KCNG2: variants seen among roughly 807,000 people sequenced by gnomAD.
The protein encoded by KCNG2 is voltage-gated potassium channel regulatory subunit KCNG2.
KCNG2 carries 7 observed loss-of-function variants against 12.3 expected under a neutral mutation model. The observed-to-expected ratio is 0.57, with a 90% CI of 0.32 to 1.07. The LOEUF is 1.07. Among genes scored for constraint, KCNG2 ranks in the 50% least tolerant of loss-of-function variants. The probability of loss-of-function intolerance (pLI) is 0.04; values close to 1 mark genes in which losing one functional copy is unlikely to be tolerated. For synonymous variants in KCNG2, 414 were observed against 351.4 expected (o/e 1.18, Z -1.99); for missense variants, 703 against 726.0 (o/e 0.97, Z 0.36).
Position 79,894,093 on chromosome 18 carries a change from C to T in KCNG2, c.625-4947C>T, listed in dbSNP as rs1230156229. Among the ~76,000 whole-genome samples, 14 of 150,998 alleles carry T rather than the reference C, an allele frequency of 9.3e-5. No homozygotes were observed. The South Asian group carries it at 1.7e-3, about 18-fold the overall frequency. ...TGTCTGCTTTTGATTGGGTTGTTCA[C>T]GCCATTCATAATGATTGATATAGCT... On this transcript the variant is annotated intron_variant, in intron 3 of 3. Coordinates refer to ENST00000316249, the MANE Select transcript of KCNG2 (RefSeq NM_012283.2).
intron 1 of KCNG2, among the ~76,000 whole-genome samples, chr18:79,815,009 T>C (rs1019400301): frequency 1.3e-5 from 2 of 152,058 alleles, no homozygotes; most frequent in African/African-American, 4.8e-5. Flanking sequence ...AGAAAATGAA[T>C]TTAATATGCA....
chr18:79,872,954 C>T (rs1350215916), intron 3 of KCNG2, among the ~76,000 whole-genome samples: 1 of 152,194 alleles, frequency 6.6e-6, no homozygotes, highest in Non-Finnish European at 1.5e-5. Context: ...GGGACCGCCC[C>T]TCCGGGAGCC....
rs569740902 is a variant in KCNG2, at chr18:79,893,993, G to A, written c.625-5047G>A. 3.3e-5 allele frequency among the ~76,000 whole-genome samples: 5 copies of A among 151,700 alleles called. No homozygotes were observed. The South Asian group carries it at 1.0e-3, about 32-fold the overall frequency. The stretch of plus-strand genomic sequence containing the variant: ...TCTAATGTTAACGATTAATATAGTT[G>A]GGTCTGTGTCTGCTTTTGATTGGTT... On this transcript the variant is annotated intron_variant, in intron 3 of 3. Coordinates refer to ENST00000316249, the MANE Select transcript of KCNG2 (RefSeq NM_012283.2).
chr18:79,830,241 T>C (rs531959476), intron 1 of KCNG2, among the ~76,000 whole-genome samples: 5 of 152,090 alleles, frequency 3.3e-5, no homozygotes, highest in Admixed American at 6.5e-5. Context: ...TCAACACACC[T>C]CCCCTGAAAG....
chr18:79,827,976 T>G (rs1599375270), intron 1 of KCNG2, among the ~76,000 whole-genome samples: 1 of 149,070 alleles, frequency 6.7e-6, no homozygotes, highest in African/African-American at 2.5e-5. Context: ...CAGGCTGGAG[T>G]GCAGTGGCGT....
intron 1 of KCNG2, among the ~76,000 whole-genome samples, chr18:79,847,413 G>A (rs1316318855): frequency 5.9e-5 from 9 of 152,202 alleles, no homozygotes; most frequent in Admixed American, 2.0e-4. Context: ...GTGCCCCGTG[G>A]GAACTGAGGG....
chr18:79,801,008 T>C (rs1385759294), intron 1 of KCNG2, among the ~76,000 whole-genome samples: 2 of 152,200 alleles, frequency 1.3e-5, no homozygotes, highest in African/African-American at 2.4e-5. Context: ...GTTGAGGCAC[T>C]GTGAACTATC....
chr18:79,820,529 AATG>A (rs2087562875), intron 1 of KCNG2, among the ~76,000 whole-genome samples: 1 of 152,080 alleles, frequency 6.6e-6, no homozygotes. Context: ...GCATTTTCCT[AATG>A]ATGAGTGATG....
At chr18:79,812,822 C>G (rs1440240841) in intron 1 of KCNG2, among the ~76,000 whole-genome samples, 1 of 150,910 alleles carries the variant, frequency 6.6e-6, no homozygotes, top group East Asian at 2.0e-4. Context: ...GATCGCACCA[C>G]TGTAGTCCAG....
intron 1 of KCNG2, among the ~76,000 whole-genome samples, chr18:79,837,236 A>G (rs572347049): frequency 2.0e-5 from 3 of 152,330 alleles, no homozygotes; most frequent in South Asian, 2.1e-4. Context: ...CTTTGACTCC[A>G]TGTCTCACAT....
chr18:79,840,458 TAATC>T (rs1277825643), intron 1 of KCNG2, among the ~76,000 whole-genome samples: 2 of 152,088 alleles, frequency 1.3e-5, no homozygotes, highest in African/African-American at 4.8e-5. Flanking sequence ...ATAAAAGAAA[TAATC>T]TAAATAAATG....
intron 2 of KCNG2, among the ~76,000 whole-genome samples, chr18:79,861,730 CT>C: frequency 6.6e-6 from 1 of 152,208 alleles, no homozygotes; most frequent in East Asian, 1.9e-4. Context: ...TCTTTCTTCC[CT>C]GTTCCCTCTT....
chr18:79,868,057 C>T (rs1979680587), intron 3 of KCNG2, among the ~76,000 whole-genome samples: 1 of 152,224 alleles, frequency 6.6e-6, no homozygotes, highest in Non-Finnish European at 1.5e-5. Flanking sequence ...GATCGTGCTT[C>T]CAAAAGGTGC....
intron 2 of KCNG2, among the ~76,000 whole-genome samples, chr18:79,861,681 C>T (rs538789523): frequency 4.3e-4 from 65 of 152,114 alleles, no homozygotes; most frequent in African/African-American, 1.4e-3. Context: ...TGTTTTTCAT[C>T]GAATTTGGAG....
chr18:79,881,990 A>G (rs1345189330), intron 3 of KCNG2, among the ~76,000 whole-genome samples: 1 of 151,416 alleles, frequency 6.6e-6, no homozygotes. Context: ...GGCTACAACA[A>G]CTGAACTCCC....
chr18:79,822,901 C>T lies in KCNG2; in HGVS notation c.-115+24887C>T, dbSNP rs1358338505. 3.3e-5 allele frequency among the ~76,000 whole-genome samples: 5 copies of T among 152,222 alleles called. No individual in the cohort carries two copies. Among genetic ancestry groups the T allele is most frequent in the South Asian group, 2.1e-4 (1 of 4,834 alleles). On this transcript the variant is annotated intron_variant, in intron 1 of 3. Transcript: ENST00000316249. This position sits in a 1 kb window ranked among gnomAD's most constrained non-coding sequence, Gnocchi z 4.4. The stretch of plus-strand genomic sequence containing the variant: ...TTCCTTGTGAGGCACCTGGGCTTAT[C>T]GTGGGCGTTGGTGTTGCGTGTGGGT...
chr18:79,826,417 G>C (rs189425206), intron 1 of KCNG2, among the ~76,000 whole-genome samples: 201 of 152,350 alleles, frequency 1.3e-3, no homozygotes, highest in African/African-American at 4.7e-3. Context: ...TCACAACTGA[G>C]CGAGCAGCTC....
At chr18:79,877,348 C>T (rs558380132) in intron 3 of KCNG2, among the ~76,000 whole-genome samples, 30 of 152,256 alleles carry the variant, frequency 2.0e-4, no homozygotes, top group African/African-American at 2.6e-4. Context: ...TCTCAGTGGC[C>T]GCGGCTGTTT....
In KCNG2 at chr18:79,863,860, A is replaced by G; in HGVS notation, c.193A>G (p.Ser65Gly). ...LLRVCDDYDV[S>G]RDEFFFDRSP... is the part of the protein sequence containing the mutation. ...GCGCGTGTGTGACGACTACGACGTG[A>G]GCCGCGACGAGTTCTTCTTCGACCG... The change falls in exon 3 of 4, where the codon AGC becomes GGC. Residue 65 changes from serine to glycine, a missense_variant. Coordinates refer to ENST00000316249, the MANE Select transcript of KCNG2 (RefSeq NM_012283.2). 1.4e-6 allele frequency: 2 copies of G among 1,468,564 alleles called. No individual in the cohort carries two copies. Among genetic ancestry groups the G allele is most frequent in the Non-Finnish European group, 1.8e-6 (2 of 1,107,284 alleles). 91.0% of individuals were successfully genotyped at this position (1,468,564 alleles called of 1,614,324 possible).
Sources: gnomAD v4.1 joint callset for allele counts (sites outside exome capture counted in the v4.1 genomes callset) on GRCh38, gnomAD v4.1.1 for gene constraint, Gnocchi (gnomAD v3.1) non-coding constraint, MANE v1.5 for transcripts, NCBI Gene and HGNC (gene_info 2026-07-23, HGNC 2026-07-21) for gene names.